PTPRK: variants seen among roughly 807,000 people sequenced by gnomAD.
PTPRK encodes receptor-type tyrosine-protein phosphatase kappa.
PTPRK carries 75 observed loss-of-function variants against 178.0 expected under a neutral mutation model. The ratio of observed to expected loss-of-function variants is 0.42; its 90% CI spans 0.35 to 0.51. The LOEUF (loss-of-function observed/expected upper bound fraction) is 0.51, where lower values mean the gene tolerates loss of function less well. Among genes scored for constraint, PTPRK ranks in the 20% least tolerant of loss-of-function variants. PTPRK has a pLI of 0.02. For synonymous variants in PTPRK, 637 were observed against 620.6 expected, an observed-to-expected ratio of 1.03 and a Z score of -0.39; for missense variants, 1,441 against 1,797.8, an observed-to-expected ratio of 0.80 and a Z score of 3.59.
intron 7 of PTPRK, among the ~76,000 whole-genome samples, chr6:128,176,659 T>C (rs1195302793): frequency 6.6e-6 from 1 of 151,768 alleles, no homozygotes; most frequent in Non-Finnish European, 1.5e-5. Context: ...TTTTTTCCCC[T>C]CTGCAGTTTA....
chr6:128,100,188 T>A (rs78468332), intron 7 of PTPRK, among the ~76,000 whole-genome samples: 6 of 152,028 alleles, frequency 3.9e-5, no homozygotes, highest in African/African-American at 7.2e-5. Context: ...TTGCAAGGAT[T>A]AATTGCTTCA....
intron 3 of PTPRK, among the ~76,000 whole-genome samples, chr6:128,298,961 C>T (rs1359899316): frequency 6.6e-6 from 1 of 152,034 alleles, no homozygotes; most frequent in Non-Finnish European, 1.5e-5. Flanking sequence ...GATTGTATAC[C>T]TAGAAAACCC....
At chr6:128,015,399 C>T (rs1405230056) in intron 13 of PTPRK, among the ~76,000 whole-genome samples, 3 of 151,764 alleles carry the variant, frequency 2.0e-5, no homozygotes, top group Middle Eastern at 3.4e-3. Flanking sequence ...TTCTTAAACA[C>T]AGTTGATTCT....
intron 7 of PTPRK, among the ~76,000 whole-genome samples, chr6:128,123,330 G>A (rs1792785066): frequency 6.6e-6 from 1 of 152,114 alleles, no homozygotes; most frequent in Admixed American, 6.5e-5. Context: ...ACAAGCTTAG[G>A]TTGTTTCAAT....
intron 1 of PTPRK, among the ~76,000 whole-genome samples, chr6:128,476,437 C>T (rs1435940895): frequency 6.6e-6 from 1 of 152,050 alleles, no homozygotes; most frequent in African/African-American, 2.4e-5. Context: ...TAGCATCTTG[C>T]TCATGATATG....
chr6:128,222,784 CA>C (rs1810648171), intron 5 of PTPRK, among the ~76,000 whole-genome samples: 1 of 152,170 alleles, frequency 6.6e-6, no homozygotes, highest in South Asian at 2.1e-4. Context: ...ACTATCTTAT[CA>C]ACTATTCTAA....
intron 7 of PTPRK, among the ~76,000 whole-genome samples, chr6:128,159,338 C>A (rs1340553257): frequency 7.2e-5 from 11 of 151,788 alleles, no homozygotes; most frequent in African/African-American, 2.4e-4. Context: ...AGATCAAAGC[C>A]CCAGACTAGG....
chr6:128,164,576 C>T (rs1300623855), intron 7 of PTPRK, among the ~76,000 whole-genome samples: 1 of 151,252 alleles, frequency 6.6e-6, no homozygotes, highest in East Asian at 1.9e-4. Context: ...AGATCAATAT[C>T]TTCATCTTTA....
At chr6:128,355,303 T>C (rs568525590) in intron 2 of PTPRK, among the ~76,000 whole-genome samples, 1 of 152,212 alleles carries the variant, frequency 6.6e-6, no homozygotes, top group South Asian at 2.1e-4. Flanking sequence ...TACCAAAAAA[T>C]AAATTTCTAT....
intron 1 of PTPRK, among the ~76,000 whole-genome samples, chr6:128,427,477 C>G (rs1844292336): frequency 6.6e-6 from 1 of 152,204 alleles, no homozygotes; most frequent in Non-Finnish European, 1.5e-5. Flanking sequence ...TGTGCCATTG[C>G]TGACAATCAG....
intron 10 of PTPRK, 71 bp from the exon 11 acceptor site, chr6:128,078,989 A>G (rs946390873): frequency 2.6e-5 from 26 of 1,003,202 alleles, no homozygotes; most frequent in African/African-American, 1.6e-5. Flanking sequence ...CAGAATGAAC[A>G]GACAATCTTA....
intron 7 of PTPRK, among the ~76,000 whole-genome samples, chr6:128,169,771 G>A: frequency 7.5e-6 from 1 of 133,958 alleles, no homozygotes; most frequent in African/African-American, 2.8e-5. Flanking sequence ...ACTTAAATAT[G>A]TTATTTTTTT....
At chr6:128,079,036 G>GT in intron 10 of PTPRK, 118 bp from the exon 11 acceptor site, 1 of 570,790 alleles carries the variant, frequency 1.8e-6, no homozygotes. Context: ...TATCTACAAC[G>GT]TATTTTGTTT....
At chr6:128,192,603 C>T (rs532546550) in intron 6 of PTPRK, among the ~76,000 whole-genome samples, 1 of 151,894 alleles carries the variant, frequency 6.6e-6, no homozygotes, top group African/African-American at 2.4e-5. Flanking sequence ...GCAAATCGCT[C>T]GAGCCCAGGA....
chr6:128,272,238 C>G (rs919702726), intron 3 of PTPRK, among the ~76,000 whole-genome samples: 3 of 151,960 alleles, frequency 2.0e-5, no homozygotes, highest in African/African-American at 7.2e-5. Context: ...AATGTTAGAC[C>G]TAAAACCATA....
intron 5 of PTPRK, among the ~76,000 whole-genome samples, chr6:128,239,768 T>C (rs2073161): frequency 0.032 from 4,891 of 152,316 alleles, 314 homozygotes; most frequent in East Asian, 0.31. Context: ...ACAGAATTTT[T>C]TGCAGTTTGA....
chr6:128,252,598 C>T (rs1380759258), intron 3 of PTPRK, among the ~76,000 whole-genome samples: 1 of 152,076 alleles, frequency 6.6e-6, no homozygotes, highest in Non-Finnish European at 1.5e-5. Flanking sequence ...ATTAAAATGG[C>T]TCTGGGGGTA....
At chr6:128,334,712 C>A (rs1830682208) in intron 2 of PTPRK, among the ~76,000 whole-genome samples, 1 of 152,072 alleles carries the variant, frequency 6.6e-6, no homozygotes, top group African/African-American at 2.4e-5. Context: ...GTTCTTAATA[C>A]AATAAAAGAC....
intron 1 of PTPRK, among the ~76,000 whole-genome samples, chr6:128,439,396 A>C (rs1846019940): frequency 6.6e-6 from 1 of 152,214 alleles, no homozygotes; most frequent in Non-Finnish European, 1.5e-5. Flanking sequence ...ATAATTCATT[A>C]AGAAAAATGG....
Sources: allele counts gnomAD v4.1 joint callset (sites outside exome capture counted in the v4.1 genomes callset), GRCh38; gene constraint gnomAD v4.1.1; transcripts MANE v1.5; gene names NCBI Gene and HGNC (gene_info 2026-07-23, HGNC 2026-07-21).